CORO1C: variants seen among roughly 807,000 people sequenced by gnomAD.
CORO1C encodes coronin-1C.
Under a neutral mutation model 51.2 loss-of-function variants are expected in CORO1C, and 14 were observed. The ratio of observed to expected loss-of-function variants is 0.27; its 90% CI spans 0.18 to 0.43. CORO1C has a LOEUF of 0.43. CORO1C is among the 20% of genes least tolerant of loss of function. CORO1C has a pLI of 1.00. For missense variants in CORO1C, 417 were observed against 607.8 expected (o/e 0.69, Z 3.30); for synonymous variants, 181 against 210.5 (o/e 0.86, Z 1.21).
In CORO1C at chr12:108,720,405, T is replaced by C. The variant is rs911297618; in HGVS notation, c.-6+11024A>G. Reference sequence around the variant, plus strand: ...CAAAATTTGCTTTACAAATAAAGCATGTTTCAATAAAGGAATGTGTATGTA... The same window carrying C: ...CAAAATTTGCTTTACAAATAAAGCACGTTTCAATAAAGGAATGTGTATGTA... On this transcript the variant is annotated intron_variant, in intron 1 of 10. Coordinates refer to ENST00000261401, the MANE Select transcript of CORO1C (RefSeq NM_014325.4). Among the ~76,000 whole-genome samples, 10 of 152,222 alleles carry C rather than the reference T, an allele frequency of 6.6e-5. 1 individual carries two copies. Among genetic ancestry groups the C allele is most frequent in the Admixed American group, 2.6e-4 (4 of 15,284 alleles).
intron 3 of CORO1C, among the ~76,000 whole-genome samples, chr12:108,669,675 A>T (rs1341732207): frequency 7.9e-6 from 1 of 126,722 alleles, no homozygotes; most frequent in African/African-American, 3.0e-5. Flanking sequence ...TTTTCCGTTA[A>T]AAAAAAAAAA....
chr12:108,694,617 G>A (rs1274659121), intron 2 of CORO1C, among the ~76,000 whole-genome samples: 2 of 152,238 alleles, frequency 1.3e-5, no homozygotes, highest in South Asian at 2.1e-4. Context: ...AGTTAAGTAC[G>A]AGATAATGAC....
chr12:108,699,915 A>G (rs967244108), intron 2 of CORO1C, among the ~76,000 whole-genome samples: 2 of 152,228 alleles, frequency 1.3e-5, no homozygotes, highest in African/African-American at 4.8e-5. Context: ...TGTGTTATCT[A>G]TCTGGCCACT....
chr12:108,723,039 T>C (rs1202299780), intron 1 of CORO1C, among the ~76,000 whole-genome samples: 2 of 152,214 alleles, frequency 1.3e-5, no homozygotes, highest in African/African-American at 4.8e-5. Context: ...TCTTATTAAA[T>C]ATCACCCCCA....
chr12:108,702,793 T>C (rs577079183), intron 1 of CORO1C: 8 of 1,524,292 alleles, frequency 5.2e-6, no homozygotes, highest in East Asian at 2.5e-5. Flanking sequence ...CAGAGTCTCT[T>C]ACCCTTCCAA....
intron 1 of CORO1C, among the ~76,000 whole-genome samples, chr12:108,724,224 T>G (rs2035536947): frequency 6.6e-6 from 1 of 152,156 alleles, no homozygotes; most frequent in African/African-American, 2.4e-5. Context: ...GTGAATAGGC[T>G]TGGTTTGCAG....
At chr12:108,718,146 G>C (rs537334730) in intron 1 of CORO1C, among the ~76,000 whole-genome samples, 1 of 152,314 alleles carries the variant, frequency 6.6e-6, no homozygotes, top group South Asian at 2.1e-4. Flanking sequence ...AAGGTCAGGA[G>C]ATTGAGACCA....
rs117393101 is a variant in CORO1C at position 108,672,072 on chromosome 12, A to T, written c.318+6200T>A. On this transcript the variant is annotated intron_variant, in intron 3 of 10. Coordinates refer to ENST00000261401, the MANE Select transcript of CORO1C (RefSeq NM_014325.4). The stretch of plus-strand genomic sequence containing the variant: ...GGCACTGTCCCTGCCCAATCATTTT[A>T]TATTCAGAGAAACTCACTTTCAAGT... 6.4e-3 allele frequency among the ~76,000 whole-genome samples: 968 copies of T among 152,264 alleles called. 6 individuals carry two copies. The highest frequency in any genetic ancestry group is 1.0e-2 in the Non-Finnish European group (679 of 68,006).
chr12:108,703,322 C>G (rs2034932460), intron 1 of CORO1C, among the ~76,000 whole-genome samples: 1 of 152,142 alleles, frequency 6.6e-6, no homozygotes, highest in African/African-American at 2.4e-5. Flanking sequence ...GAAAATTAGA[C>G]AAAGGATATG....
chr12:108,676,986 G>C (rs563198852), intron 3 of CORO1C, among the ~76,000 whole-genome samples: 3 of 152,022 alleles, frequency 2.0e-5, no homozygotes, highest in Admixed American at 6.6e-5. Flanking sequence ...GAGGAAAAGC[G>C]GGTAAATGTT....
intron 3 of CORO1C, among the ~76,000 whole-genome samples, chr12:108,666,688 C>A (rs1009323712): frequency 2.0e-5 from 3 of 152,314 alleles, no homozygotes; most frequent in South Asian, 2.1e-4. Context: ...TCAGAAGACA[C>A]AGGCTCCTGT....
At position 108,652,328 on chromosome 12, in the gene CORO1C, T is replaced by C; in HGVS notation, c.945A>G (p.Arg315=). Residue 315 remains arginine, a synonymous_variant, in exon 8 of 11, where the codon AGA becomes AGG. Coordinates refer to ENST00000261401, the MANE Select transcript of CORO1C (RefSeq NM_014325.4). ...LNTFSSKEPQ[R]GMGYMPKRGL... is the part of the protein sequence containing the mutation. ...CCCTCTTGGGCATGTAACCCATCCC[T>C]CTCTGAGGCTCCTTGCTGCTGAATG... is the stretch of plus-strand genomic sequence containing the variant. The C allele has an allele frequency of 5.6e-6, 9 of 1,614,104 alleles. No individual in the cohort carries two copies. The highest frequency in any genetic ancestry group is 7.6e-6 in the Non-Finnish European group (9 of 1,179,946).
intron 1 of CORO1C, among the ~76,000 whole-genome samples, chr12:108,723,355 G>A (rs763008850): frequency 3.9e-5 from 6 of 152,196 alleles, no homozygotes; most frequent in African/African-American, 7.2e-5. Flanking sequence ...TGACCATTAC[G>A]AAAAGGAATT....
intron 3 of CORO1C, among the ~76,000 whole-genome samples, chr12:108,663,084 T>C (rs2033338357): frequency 6.6e-6 from 1 of 152,242 alleles, no homozygotes; most frequent in Non-Finnish European, 1.5e-5. Context: ...TTGGCATTAT[T>C]AGTAATTACA....
intron 1 of CORO1C, among the ~76,000 whole-genome samples, chr12:108,703,517 T>C (rs1282590598): frequency 6.6e-6 from 1 of 152,210 alleles, no homozygotes; most frequent in African/African-American, 2.4e-5. Context: ...CACGTGTAAC[T>C]GACTGAAGTG....
chr12:108,701,425 C>T (rs911082315), intron 1 of CORO1C, 102 bp from the exon 2 acceptor site: 2 of 1,549,848 alleles, frequency 1.3e-6, no homozygotes, highest in South Asian at 1.2e-5. Flanking sequence ...AATGGTATGG[C>T]ATTTTGTCTG....
At chr12:108,704,123 T>C (rs2034958609) in intron 1 of CORO1C, among the ~76,000 whole-genome samples, 1 of 152,196 alleles carries the variant, frequency 6.6e-6, no homozygotes, top group South Asian at 2.1e-4. Flanking sequence ...GTAAAATGCT[T>C]TGTCTTCATT....
intron 2 of CORO1C, among the ~76,000 whole-genome samples, chr12:108,698,309 T>C (rs147061311): frequency 2.8e-3 from 433 of 152,386 alleles, no homozygotes; most frequent in African/African-American, 6.6e-3. Context: ...TTGCTGAATT[T>C]TGAGTACACA....
At chr12:108,662,788 T>G (rs1477230898) in intron 3 of CORO1C, among the ~76,000 whole-genome samples, 2 of 152,248 alleles carry the variant, frequency 1.3e-5, no homozygotes, top group African/African-American at 2.4e-5. Flanking sequence ...TTTTATAACA[T>G]GTATTATAGA....
Sources: allele counts gnomAD v4.1 joint callset (sites outside exome capture counted in the v4.1 genomes callset), GRCh38; gene constraint gnomAD v4.1.1; transcripts MANE v1.5; gene names NCBI Gene and HGNC (gene_info 2026-07-23, HGNC 2026-07-21).